The following RNF111 variants were observed in gnomAD, a reference collection of about 807,000 sequenced individuals.
RNF111 encodes the protein ring finger protein 111.
In RNF111, 17 loss-of-function variants were observed where a neutral mutation model predicts 95.1. The ratio of observed to expected loss-of-function variants is 0.18; its 90% confidence interval spans 0.12 to 0.27. The LOEUF (loss-of-function observed/expected upper bound fraction) is 0.27, where lower values mean the gene tolerates loss of function less well. RNF111 is among the 10% of genes least tolerant of loss of function. The pLI is 1.00. For missense variants in RNF111, 1,189 were observed against 1,210.4 expected (o/e 0.98, Z 0.26); for synonymous variants, 440 against 414.8 (o/e 1.06, Z -0.74).
chr15:59,058,361 A>G lies in RNF111; in HGVS notation c.1177A>G (p.Thr393Ala). ...TGACATTTTGTATTTTGTAGAACCT[A>G]CTGTAGTACCAACCACTTCTGCAAG... Reference protein sequence around the residue: ...VDLTVDEDEPTVVPTTSARME... With the variant: ...VDLTVDEDEPAVVPTTSARME... Residue 393 changes from threonine (T) to alanine (A), a missense_variant, in exon 5 of 14, where the codon ACT (threonine) becomes GCT (alanine). Transcript: ENST00000348370. 1.2e-6 allele frequency: 2 copies of G among 1,613,730 alleles called. No homozygotes were observed. The highest frequency in any genetic ancestry group is 1.1e-5 in the South Asian group (1 of 91,086).
intron 1 of RNF111, among the ~76,000 whole-genome samples, chr15:59,025,122 C>T (rs899504421): frequency 7.2e-5 from 11 of 152,158 alleles, no homozygotes; most frequent in Admixed American, 5.2e-4. Context: ...AATGCTGTTA[C>T]GATCCGCCCT....
intron 2 of RNF111, among the ~76,000 whole-genome samples, chr15:59,037,237 G>A (rs761126854): frequency 4.6e-5 from 7 of 152,112 alleles, no homozygotes; most frequent in Non-Finnish European, 7.3e-5. Flanking sequence ...ATTATGTGTA[G>A]AAAGCCAAAG....
At chr15:59,005,404 A>G (rs1451275826) in intron 1 of RNF111, among the ~76,000 whole-genome samples, 3 of 152,254 alleles carry the variant, frequency 2.0e-5, no homozygotes, top group African/African-American at 7.2e-5. Flanking sequence ...AACAAATTTT[A>G]TCTAAATAAA....
At chr15:59,086,445 T>C (rs1412900216) in intron 10 of RNF111, among the ~76,000 whole-genome samples, 1 of 152,246 alleles carries the variant, frequency 6.6e-6, no homozygotes, top group Non-Finnish European at 1.5e-5. Flanking sequence ...AGAAAGATTA[T>C]ACTAATTCTC....
intron 2 of RNF111, among the ~76,000 whole-genome samples, chr15:59,035,351 C>T (rs537276032): frequency 6.6e-5 from 10 of 152,324 alleles, no homozygotes; most frequent in African/African-American, 2.2e-4. Context: ...AAAGTCTTAA[C>T]TCATTTCAGT....
intron 4 of RNF111, among the ~76,000 whole-genome samples, chr15:59,057,196 A>G (rs1954046569): frequency 6.6e-6 from 1 of 152,200 alleles, no homozygotes; most frequent in South Asian, 2.1e-4. Flanking sequence ...GCTAAACATC[A>G]TGCTGTTCAC....
chr15:59,064,422 G>C (rs956605526), intron 5 of RNF111, among the ~76,000 whole-genome samples: 3 of 151,140 alleles, frequency 2.0e-5, no homozygotes, highest in Non-Finnish European at 4.4e-5. Flanking sequence ...TGTAGTCCCA[G>C]CTACTCGGGA....
intron 1 of RNF111, among the ~76,000 whole-genome samples, chr15:59,023,598 A>G (rs965379646): frequency 6.6e-6 from 1 of 152,162 alleles, no homozygotes; most frequent in Non-Finnish European, 1.5e-5. Context: ...GTTTTCTACT[A>G]TTGAGCTCAT....
chr15:58,997,777 C>T lies in RNF111; in HGVS notation c.-20+9709C>T, dbSNP rs191489990. Among the ~76,000 whole-genome samples the T allele has an allele frequency of 2.6e-3, 389 of 150,674 alleles. 2 individuals carry two copies. Among genetic ancestry groups the T allele is most frequent in the African/African-American group, 9.0e-3 (371 of 40,998 alleles). ...GTTGCAGTGAGCCAAGATTGCGCCACTGCACTCCAGCCTGGCGACAGTGTG... is the reference window on the plus strand; with the variant it reads ...GTTGCAGTGAGCCAAGATTGCGCCATTGCACTCCAGCCTGGCGACAGTGTG... On this transcript the variant is annotated intron_variant, in intron 1 of 13. Transcript: ENST00000348370.
chr15:59,053,019 G>A (rs1437861093), intron 3 of RNF111, among the ~76,000 whole-genome samples: 12 of 151,974 alleles, frequency 7.9e-5, no homozygotes, highest in Non-Finnish European at 1.5e-4. Context: ...AATATTAAGG[G>A]GTATTGATGT....
chr15:59,001,655 C>G (rs1475743355), intron 1 of RNF111, among the ~76,000 whole-genome samples: 1 of 152,048 alleles, frequency 6.6e-6, no homozygotes, highest in Non-Finnish European at 1.5e-5. Flanking sequence ...CAGCTAGGTT[C>G]TTTAATAGAA....
At chr15:59,032,809 A>G (rs534299888) in intron 2 of RNF111, among the ~76,000 whole-genome samples, 2 of 152,234 alleles carry the variant, frequency 1.3e-5, no homozygotes, top group Non-Finnish European at 2.9e-5. Context: ...GACAGTGCAT[A>G]TGATACATCA....
At chr15:58,992,790 A>G (rs2038876646) in intron 1 of RNF111, among the ~76,000 whole-genome samples, 2 of 152,180 alleles carry the variant, frequency 1.3e-5, no homozygotes, top group African/African-American at 4.8e-5. Flanking sequence ...ACTGCATTCC[A>G]GCCTCGGTGA....
At chr15:59,019,728 G>A (rs1202712760) in intron 1 of RNF111, among the ~76,000 whole-genome samples, 1 of 152,162 alleles carries the variant, frequency 6.6e-6, no homozygotes, top group South Asian at 2.1e-4. Context: ...GGAAGCTGAG[G>A]TGGGTGGATC....
chr15:59,071,223 C>T (rs1429634576), intron 6 of RNF111, among the ~76,000 whole-genome samples: 3 of 148,384 alleles, frequency 2.0e-5, no homozygotes, highest in Non-Finnish European at 4.4e-5. Flanking sequence ...GGCCTGAACC[C>T]GGGAGGCGGA....
intron 2 of RNF111, among the ~76,000 whole-genome samples, chr15:59,047,220 G>T (rs1462248306): frequency 1.3e-5 from 2 of 152,196 alleles, no homozygotes; most frequent in Non-Finnish European, 2.9e-5. Context: ...ATTAGGCTTG[G>T]CACGGTGGCT....
intron 1 of RNF111, among the ~76,000 whole-genome samples, chr15:58,992,494 G>A (rs2038862787): frequency 6.6e-6 from 1 of 152,178 alleles, no homozygotes; most frequent in Non-Finnish European, 1.5e-5. Context: ...CTCTGCTTTT[G>A]TGAGGTTTGA....
chr15:59,059,534 G>C (rs2042345232), intron 5 of RNF111, among the ~76,000 whole-genome samples: 1 of 152,176 alleles, frequency 6.6e-6, no homozygotes, highest in African/African-American at 2.4e-5. Context: ...TTGAGAATGG[G>C]GATGGGAGTT....
At chr15:59,031,744 T>G (rs754721530) in intron 2 of RNF111, 42 bp downstream of exon 2, 3 of 1,547,180 alleles carry the variant, frequency 1.9e-6, no homozygotes, top group Non-Finnish European at 2.6e-6. Flanking sequence ...ACCTATTGCA[T>G]TGCATTTGTG....
Sources: gnomAD v4.1 joint callset for allele counts (sites outside exome capture counted in the v4.1 genomes callset) on GRCh38, gnomAD v4.1.1 for gene constraint, MANE v1.5 for transcripts, NCBI Gene and HGNC (gene_info 2026-07-23, HGNC 2026-07-21) for gene names.